The following AGO1 variants were observed in gnomAD, a reference collection of about 807,000 sequenced individuals.
The protein encoded by AGO1 is protein argonaute-1.
Under a neutral mutation model 109.2 loss-of-function variants are expected in AGO1, and 11 were observed. That is an observed-to-expected ratio of 0.10 (90% confidence interval 0.06 to 0.17). AGO1 has a LOEUF of 0.17. Ranked by LOEUF, AGO1 falls within the 10% of genes least tolerant of loss-of-function variation. AGO1 has a pLI of 1.00. For synonymous variants in AGO1, 422 were observed against 418.6 expected (o/e 1.01, Z -0.10); for missense variants, 574 against 1,140.3 (o/e 0.50, Z 7.15).
chr1:35,872,903 T>TTTTTGTTTG (rs1644964195), intron 1 of AGO1, among the ~76,000 whole-genome samples: 3 of 151,782 alleles, frequency 2.0e-5, no homozygotes, highest in African/African-American at 7.3e-5. Flanking sequence ...TTTTCAGTTT[T>TTTTTGTTTG]TTTGTTTGTT....
chr1:35,892,671 C>T lies in AGO1; in HGVS notation c.324C>T (p.Asn108=), dbSNP rs761909595. Residue 108 remains asparagine, a synonymous_variant, in exon 3 of 19, where the codon AAC becomes AAT. Coordinates refer to ENST00000373204, the MANE Select transcript of AGO1 (RefSeq NM_012199.5). ...CTGTCACAGCACTGCCCATTGGCAACGAACGGGTAAGGTTGGGAGTCAGGC... is the reference window on the plus strand; with the variant it reads ...CTGTCACAGCACTGCCCATTGGCAATGAACGGGTAAGGTTGGGAGTCAGGC... ...IYTVTALPIG[N]ERVDFEVTIP... is the part of the protein sequence containing the mutation. The T allele has an allele frequency of 2.5e-5, 41 of 1,614,072 alleles. No homozygotes were observed. Among genetic ancestry groups the T allele is most frequent in the South Asian group, 4.4e-5 (4 of 91,090 alleles).
intron 12 of AGO1, among the ~76,000 whole-genome samples, chr1:35,913,233 A>G (rs967063268): frequency 8.0e-5 from 12 of 150,348 alleles, no homozygotes; most frequent in Admixed American, 3.3e-4. Flanking sequence ...GTTAACCAGG[A>G]TGATCTCAAT....
chr1:35,926,272 G>A lies in AGO1; in HGVS notation c.*6665G>A, dbSNP rs1235883822. The A allele has an allele frequency of 6.6e-6, 1 of 152,110 alleles. No individual in the cohort carries two copies. The highest frequency in any genetic ancestry group is 1.9e-4 in the East Asian group (1 of 5,202). 9.4% of individuals were successfully genotyped at this position (152,110 alleles called of 1,614,324 possible). ...GTTGCTACTCAAGTTAAAAAGACTG[G>A]GAGCCTGCATTGTTTGGTCCTGGAG... On this transcript the variant is annotated 3_prime_UTR_variant, in exon 19 of 19. Transcript: ENST00000373204.
chr1:35,912,465 C>A (rs184909147), intron 12 of AGO1, among the ~76,000 whole-genome samples: 68 of 152,008 alleles, frequency 4.5e-4, no homozygotes, highest in African/African-American at 1.6e-3. Context: ...AGCATCGAAC[C>A]ATGAGGCCCA....
chr1:35,876,978 G>A lies in AGO1; in HGVS notation c.-201+7075G>A, dbSNP rs147025731. Among the ~76,000 whole-genome samples, 1,008 of 152,204 alleles carry A rather than the reference G, an allele frequency of 6.6e-3. 7 individuals are homozygous for A. The highest frequency in any genetic ancestry group is 0.021 in the African/African-American group (880 of 41,512). On this transcript the variant is annotated intron_variant, in intron 1 of 18. Transcript: ENST00000373206. ...AATTTTTCTATTTTTTGTAGAGAGG[G>A]GATCTTACTCTATTGCCTGTGCTCA...
chr1:35,913,029 T>C (rs1162025272), intron 12 of AGO1, among the ~76,000 whole-genome samples: 1 of 152,070 alleles, frequency 6.6e-6, no homozygotes, highest in Non-Finnish European at 1.5e-5. Context: ...TTTTTTTTTT[T>C]TTCTTCTGGA....
At chr1:35,878,066 C>T (rs1229214841) in intron 1 of AGO1, among the ~76,000 whole-genome samples, 1 of 150,244 alleles carries the variant, frequency 6.7e-6, no homozygotes, top group Non-Finnish European at 1.5e-5. Flanking sequence ...TCACCTGTTT[C>T]CTTTTTATTT....
At position 35,883,593 on chromosome 1, in the gene AGO1, G is replaced by C. The variant is rs1264983915; in HGVS notation, c.25+147G>C. The C allele has an allele frequency of 5.5e-6, 7 of 1,272,750 alleles. No individual in the cohort carries two copies. The African/African-American group carries it at 6.3e-5, about 11-fold the overall frequency. 78.8% of individuals were successfully genotyped at this position (1,272,750 alleles called of 1,614,324 possible). ...GGGCCCAGTTTGAAGGAGGCTGTGT[G>C]CAGTTCCGGGGGAGAACCATGTGAA... On this transcript the variant is annotated intron_variant, in intron 1 of 18. Transcript: ENST00000373204. This position sits in a 1 kb window ranked among gnomAD's most constrained non-coding sequence, Gnocchi z 5.4.
chr1:35,919,588 G>T lies in AGO1; in HGVS notation c.2555G>T (p.Arg852Leu). 6.2e-7 allele frequency: 1 copy of T among 1,613,984 alleles called. No individual in the cohort carries two copies. The highest frequency in any genetic ancestry group is 8.5e-7 in the Non-Finnish European group (1 of 1,179,918). The stretch of plus-strand genomic sequence containing the variant: ...GTGCAGGTTCACCAGGATACTCTGC[G>T]CACCATGTACTTCGCTTGAAGGCAG... ...KAVQVHQDTL[R>L]TMYFA Residue 852 changes from arginine (R) to leucine (L), a missense_variant, in exon 19 of 19, where the codon CGC (arginine) becomes CTC (leucine). Coordinates refer to ENST00000373204, the MANE Select transcript of AGO1 (RefSeq NM_012199.5). This position sits in a 1 kb window ranked among gnomAD's most constrained non-coding sequence, Gnocchi z 6.6.
rs1294234936 is a variant in AGO1 at position 35,894,402 on chromosome 1, C to T, written c.872C>T (p.Thr291Ile). 1.9e-6 allele frequency: 3 copies of T among 1,613,944 alleles called. No homozygotes were observed. The highest frequency in any genetic ancestry group is 3.3e-5 in the Admixed American group (2 of 59,994). ...ACCCGTCGCCCTGCTAGCCATCAGA[C>T]GTAAGTTGGCAGGGGTGCTGAGTCA... ...NVTRRPASHQ[T>I]FPLQLESGQT... The change falls in exon 7 of 19, where the codon ACA (threonine) becomes ATA (isoleucine). Residue 291 changes from threonine (T) to isoleucine (I), a missense_variant and splice_region_variant. By Grantham distance (89) the Thr-to-Ile change is moderately conservative. Coordinates refer to ENST00000373204, the MANE Select transcript of AGO1 (RefSeq NM_012199.5).
At chr1:35,890,981 A>G (rs968285933) in intron 2 of AGO1, among the ~76,000 whole-genome samples, 2 of 152,240 alleles carry the variant, frequency 1.3e-5, no homozygotes, top group African/African-American at 2.4e-5. Context: ...ATGTTTGTGT[A>G]TATGTCTGGA....
At position 35,926,958 on chromosome 1, in the gene AGO1, T is replaced by C. The variant is rs1442010437; in HGVS notation, c.*7351T>C. ...TTTTGTTTGGGGTTTTTTTTTTTTT[T>C]TTTTTGGACAAAGTATAATAATATT... On this transcript the variant is annotated 3_prime_UTR_variant, in exon 19 of 19. Transcript: ENST00000373204. The C allele has an allele frequency of 6.6e-6, 1 of 151,350 alleles. No homozygotes were observed. Among genetic ancestry groups the C allele is most frequent in the East Asian group, 1.9e-4 (1 of 5,178 alleles). The allele number at this position is 151,350 out of a possible 1,614,324, so 9.4% of individuals were successfully genotyped here. A position where few individuals can be genotyped will look rare whatever the true frequency, so the allele number is the denominator to read the frequency against.
At chr1:35,881,831 G>A (rs940235019), upstream of AGO1, among the ~76,000 whole-genome samples, 1 of 152,214 alleles carries the variant, frequency 6.6e-6, no homozygotes, top group African/African-American at 2.4e-5. Context: ...AGTGATGTTT[G>A]AGCTGGGTCT....
rs765675340 is a variant in AGO1 at position 35,923,459 on chromosome 1, C to T, written c.*3852C>T. 2 of 152,612 alleles carry T rather than the reference C, an allele frequency of 1.3e-5. No individual in the cohort carries two copies. Among genetic ancestry groups the T allele is most frequent in the Non-Finnish European group, 2.9e-5 (2 of 68,030 alleles). The allele number at this position is 152,612 out of a possible 1,614,324, so 9.5% of individuals were successfully genotyped here. A position where few individuals can be genotyped will look rare whatever the true frequency, so the allele number is the denominator to read the frequency against. Reference sequence around the variant, plus strand: ...CCCCATCAGGGTAGAAAAATCATCTCAAACTAGCCAAAAGGCAGTTTTGGA... The same window carrying T: ...CCCCATCAGGGTAGAAAAATCATCTTAAACTAGCCAAAAGGCAGTTTTGGA... On this transcript the variant is annotated 3_prime_UTR_variant, in exon 19 of 19. Coordinates refer to ENST00000373204, the MANE Select transcript of AGO1 (RefSeq NM_012199.5).
chr1:35,916,481 C>T (rs1645738000), intron 15 of AGO1, among the ~76,000 whole-genome samples: 1 of 152,128 alleles, frequency 6.6e-6, no homozygotes. Flanking sequence ...GATTCTCTTT[C>T]CTCAGCCTCC....
chr1:35,884,184 G>T (rs1344992470), intron 1 of AGO1, among the ~76,000 whole-genome samples: 4 of 151,832 alleles, frequency 2.6e-5, no homozygotes, highest in Non-Finnish European at 4.4e-5. Flanking sequence ...AATGGTTATG[G>T]TCCCCTCCCC....
chr1:35,908,662 T>C (rs1645572841), intron 12 of AGO1, among the ~76,000 whole-genome samples: 1 of 152,360 alleles, frequency 6.6e-6, no homozygotes, highest in East Asian at 1.9e-4. Context: ...TTACTACTTC[T>C]GTATTTGACA....
intron 11 of AGO1, among the ~76,000 whole-genome samples, chr1:35,904,910 G>T (rs554776829): frequency 1.3e-5 from 2 of 152,322 alleles, no homozygotes; most frequent in Non-Finnish European, 2.9e-5. Context: ...CTGAGAAAGT[G>T]GGGGAAAACA....
At chr1:35,912,817 C>A (rs1263459891) in intron 12 of AGO1, among the ~76,000 whole-genome samples, 1 of 152,128 alleles carries the variant, frequency 6.6e-6, no homozygotes, top group African/African-American at 2.4e-5. Flanking sequence ...CGTGATCCAC[C>A]CACCTGAGCC....
Sources: gnomAD v4.1 joint callset for allele counts (sites outside exome capture counted in the v4.1 genomes callset) on GRCh38, gnomAD v4.1.1 for gene constraint, Gnocchi (gnomAD v3.1) non-coding constraint, MANE v1.5 for transcripts, NCBI Gene and HGNC (gene_info 2026-07-23, HGNC 2026-07-21) for gene names.